Variants in CNBD1 observed in about 807,000 individuals in gnomAD.
CNBD1 encodes cyclic nucleotide binding domain containing 1, also known as cyclic nucleotide-binding domain-containing protein 1.
Under a neutral mutation model 54.4 loss-of-function variants are expected in CNBD1, and 71 were observed. The observed-to-expected ratio is 1.30, with a 90% CI of 1.08 to 1.59. The LOEUF is 1.59. CNBD1 is among the 40% of genes most tolerant of loss of function. The pLI is 0.00. For missense variants in CNBD1, 659 were observed against 518.0 expected (o/e 1.27, Z -2.64); for synonymous variants, 182 against 170.7 (o/e 1.07, Z -0.51).
rs1049515893 is a variant in CNBD1, at chr8:87,377,862, A to T, written c.1304-4758A>T. ...TTGCCATTCTAACTGGTGTGAGATGATATCTCACTGTGGTTTCGATTTGCA... is the reference window on the plus strand; with the variant it reads ...TTGCCATTCTAACTGGTGTGAGATGTTATCTCACTGTGGTTTCGATTTGCA... On this transcript the variant is annotated intron_variant, in intron 10 of 10. Transcript: ENST00000518476. Among the ~76,000 whole-genome samples, 574 of 150,118 alleles carry T rather than the reference A, an allele frequency of 3.8e-3. 12 individuals carry two copies. Among genetic ancestry groups the T allele is most frequent in the African/African-American group, 0.014 (539 of 39,826 alleles).
chr8:87,286,944 A>G (rs1808711253), intron 8 of CNBD1, among the ~76,000 whole-genome samples: 2 of 152,088 alleles, frequency 1.3e-5, no homozygotes, highest in African/African-American at 2.4e-5. Context: ...CCACCCTGAC[A>G]GTTACTATAA....
At chr8:86,887,770 T>G (rs1286382959) in intron 2 of CNBD1, among the ~76,000 whole-genome samples, 159 bp downstream of exon 2, 1 of 152,152 alleles carries the variant, frequency 6.6e-6, no homozygotes, top group African/African-American at 2.4e-5. Context: ...TTTCTTCAGA[T>G]TGAAGGGGCA....
At chr8:87,331,384 A>G (rs1563556159) in intron 8 of CNBD1, among the ~76,000 whole-genome samples, 1 of 152,212 alleles carries the variant, frequency 6.6e-6, no homozygotes, top group African/African-American at 2.4e-5. Flanking sequence ...CCTGCAAAGG[A>G]CATGATCTCA....
chr8:87,014,112 G>C (rs1253868493), intron 4 of CNBD1, among the ~76,000 whole-genome samples: 1 of 150,964 alleles, frequency 6.6e-6, no homozygotes. Flanking sequence ...TAATCAACTG[G>C]CTTTAAAAAA....
intron 2 of CNBD1, among the ~76,000 whole-genome samples, chr8:87,409,889 G>A (rs540933660): frequency 6.6e-6 from 1 of 151,974 alleles, no homozygotes; most frequent in Non-Finnish European, 1.5e-5. Flanking sequence ...CTGGTGTGGT[G>A]GTGTGTACCT....
intron 8 of CNBD1, among the ~76,000 whole-genome samples, chr8:87,334,729 T>C (rs576060393): frequency 7.0e-6 from 1 of 143,594 alleles, no homozygotes. Flanking sequence ...CTTTTCTTTT[T>C]TTTTTTTTAA....
chr8:87,312,130 A>G (rs1453166298), intron 8 of CNBD1, among the ~76,000 whole-genome samples: 1 of 152,074 alleles, frequency 6.6e-6, no homozygotes, highest in Non-Finnish European at 1.5e-5. Context: ...AAAATCTCTA[A>G]TTTAGGCATT....
At chr8:86,924,105 T>C (rs1421220433) in intron 3 of CNBD1, among the ~76,000 whole-genome samples, 1 of 152,194 alleles carries the variant, frequency 6.6e-6, no homozygotes, top group African/African-American at 2.4e-5. Context: ...TGTCCTTAAA[T>C]TGGAGCTTCT....
At chr8:86,924,235 T>C (rs1809321625) in intron 3 of CNBD1, among the ~76,000 whole-genome samples, 2 of 152,174 alleles carry the variant, frequency 1.3e-5, no homozygotes. Flanking sequence ...TTTCTGTAAG[T>C]CTTGCTTGAG....
intron 4 of CNBD1, among the ~76,000 whole-genome samples, chr8:87,035,412 A>T (rs908800212): frequency 2.0e-5 from 3 of 152,226 alleles, no homozygotes; most frequent in African/African-American, 7.2e-5. Context: ...AATTAGGAAG[A>T]TTTTAATCAT....
chr8:86,907,098 C>T (rs1809029022), intron 3 of CNBD1, among the ~76,000 whole-genome samples: 1 of 152,190 alleles, frequency 6.6e-6, no homozygotes, highest in African/African-American at 2.4e-5. Context: ...GTATCTCTGC[C>T]TCCTCTTTGC....
intron 2 of CNBD1, among the ~76,000 whole-genome samples, chr8:87,392,221 C>CA (rs1460725890): frequency 6.6e-6 from 1 of 151,976 alleles, no homozygotes; most frequent in Non-Finnish European, 1.5e-5. Context: ...TGAAGGGGTA[C>CA]AGTCACTTTG....
chr8:87,375,222 A>C (rs548489944), intron 10 of CNBD1, among the ~76,000 whole-genome samples: 3 of 151,678 alleles, frequency 2.0e-5, no homozygotes, highest in Non-Finnish European at 4.4e-5. Context: ...GCACTTTCAC[A>C]ATCTCTGACA....
intron 8 of CNBD1, among the ~76,000 whole-genome samples, chr8:87,291,924 C>A (rs1808793969): frequency 6.6e-6 from 1 of 151,960 alleles, no homozygotes; most frequent in Non-Finnish European, 1.5e-5. Context: ...ATTTGCAAGC[C>A]CTTGAAAATA....
At chr8:87,013,080 A>G (rs1462021916) in intron 4 of CNBD1, among the ~76,000 whole-genome samples, 2 of 152,220 alleles carry the variant, frequency 1.3e-5, no homozygotes, top group Non-Finnish European at 2.9e-5. Flanking sequence ...AGAAGACTCA[A>G]GACCCCAAAG....
At chr8:87,389,735 G>GAAATGGAAAA in intron 2 of CNBD1, among the ~76,000 whole-genome samples, 1 of 152,210 alleles carries the variant, frequency 6.6e-6, no homozygotes, top group African/African-American at 2.4e-5. Context: ...TTTCTTCACA[G>GAAATGGAAAA]AAATGGAAAA....
At chr8:87,121,198 A>G (rs904448765) in intron 4 of CNBD1, among the ~76,000 whole-genome samples, 10 of 151,970 alleles carry the variant, frequency 6.6e-5, no homozygotes, top group Non-Finnish European at 1.5e-4. Flanking sequence ...GAAAGGCTAA[A>G]TATTAAAAAC....
chr8:87,091,241 G>T lies in CNBD1; in HGVS notation c.432-114752G>T, dbSNP rs144840459. 3.0e-3 allele frequency among the ~76,000 whole-genome samples: 451 copies of T among 151,554 alleles called. 3 individuals carry two copies. Among genetic ancestry groups the T allele is most frequent in the African/African-American group, 0.01 (418 of 41,276 alleles). ...AGATATATTTTCTTTAAGCCAATAT[G>T]CCCAGTCCTGTATTTAGACATACAG... On this transcript the variant is annotated intron_variant, in intron 4 of 10. Transcript: ENST00000518476.
intron 4 of CNBD1, among the ~76,000 whole-genome samples, chr8:87,063,708 A>T (rs533971135): frequency 1.6e-3 from 239 of 152,102 alleles, no homozygotes; most frequent in Non-Finnish European, 2.8e-3. Context: ...AGGAAAATTG[A>T]CATATTTTCA....
Sources: gnomAD v4.1 joint callset for allele counts (sites outside exome capture counted in the v4.1 genomes callset) on GRCh38, gnomAD v4.1.1 for gene constraint, MANE v1.5 for transcripts, NCBI Gene and HGNC (gene_info 2026-07-23, HGNC 2026-07-21) for gene names.